The following TBC1D31 variants were observed in gnomAD, a reference collection of about 807,000 sequenced individuals.
TBC1D31 encodes the protein WD repeat domain 67.
TBC1D31 carries 99 observed loss-of-function variants against 132.9 expected under a neutral mutation model. The ratio of observed to expected loss-of-function variants is 0.74; its 90% confidence interval spans 0.63 to 0.88. The LOEUF (loss-of-function observed/expected upper bound fraction) is 0.88. Among genes scored for constraint, TBC1D31 ranks in the 40% least tolerant of loss-of-function variants. The pLI is 0.00. For synonymous variants in TBC1D31, 385 were observed against 419.4 expected (o/e 0.92, Z 1.00); for missense variants, 1,134 against 1,256.6 (o/e 0.90, Z 1.48).
At position 123,142,308 on chromosome 8, in the gene TBC1D31, C is replaced by A. The variant is rs779648064; in HGVS notation, c.2687C>A (p.Thr896Asn). The part of the protein sequence containing the change: ...LAKAEQACLN[T>N]DWQIQSLHKQ... ...AAGGCTGAACAAGCATGCCTAAATA[C>A]CGACTGGCAGATTCAGTCTTTACAT... Residue 896 changes from threonine (T) to asparagine (N), a missense_variant, in exon 19 of 22, where the codon ACC becomes AAC. Transcript: ENST00000287380. 1 of 1,599,276 alleles carries A rather than the reference C, an allele frequency of 6.3e-7. No individual in the cohort carries two copies. The highest frequency in any genetic ancestry group is 1.1e-5 in the South Asian group (1 of 87,066).
intron 16 of TBC1D31, among the ~76,000 whole-genome samples, chr8:123,131,334 A>T (rs569788402): frequency 8.1e-4 from 113 of 139,102 alleles, no homozygotes; most frequent in Middle Eastern, 3.6e-3. Context: ...ACTGCACTCC[A>T]GCCTGAGCGA....
chr8:123,087,358 T>C lies in TBC1D31; in HGVS notation c.519+3018T>C, dbSNP rs898974474. On this transcript the variant is annotated intron_variant, in intron 4 of 21. Coordinates refer to ENST00000287380, the MANE Select transcript of TBC1D31 (RefSeq NM_145647.4). ...ATTATGCATGCAGTACTGCTTTTAA[T>C]TTCTAGGTTATTAACATGAACAGCT... Among the ~76,000 whole-genome samples, 9 of 152,338 alleles carry C rather than the reference T, an allele frequency of 5.9e-5. No homozygotes were observed. In the East Asian group the frequency reaches 1.7e-3, roughly 29 times the overall value.
chr8:123,124,938 CAAAAAAAA>C (rs1310001681), intron 11 of TBC1D31, among the ~76,000 whole-genome samples: 2 of 81,080 alleles, frequency 2.5e-5, no homozygotes, highest in African/African-American at 8.4e-5. Context: ...CTCCGTCTCA[CAAAAAAAA>C]AAAAAAAAAA....
chr8:123,095,026 A>G (rs1816718299), intron 5 of TBC1D31, among the ~76,000 whole-genome samples: 1 of 151,798 alleles, frequency 6.6e-6, no homozygotes, highest in Admixed American at 6.6e-5. Flanking sequence ...CTTATAGTTT[A>G]TTCATTAAAT....
At chr8:123,100,717 C>T (rs560346762) in intron 6 of TBC1D31, 90 bp from the exon 7 acceptor site, 9 of 867,976 alleles carry the variant, frequency 1.0e-5, no homozygotes, top group South Asian at 3.0e-5. Flanking sequence ...CATACACAAA[C>T]GTTGCATACA....
At chr8:123,078,443 G>T (rs1280856096) in intron 2 of TBC1D31, among the ~76,000 whole-genome samples, 1 of 152,162 alleles carries the variant, frequency 6.6e-6, no homozygotes, top group Non-Finnish European at 1.5e-5. Context: ...CTAAATAGAG[G>T]TATGTACACA....
intron 16 of TBC1D31, among the ~76,000 whole-genome samples, chr8:123,130,943 A>G (rs1242865494): frequency 3.3e-5 from 5 of 152,042 alleles, no homozygotes; most frequent in Non-Finnish European, 7.4e-5. Flanking sequence ...ATTAGGGGAC[A>G]TATTCTTTTT....
intron 17 of TBC1D31, among the ~76,000 whole-genome samples, chr8:123,139,838 C>T (rs1279022286): frequency 6.6e-6 from 1 of 152,148 alleles, no homozygotes; most frequent in East Asian, 1.9e-4. Context: ...AGCCAAGATA[C>T]TCAACAGTTT....
chr8:123,152,485 C>T (rs1459213382), downstream of TBC1D31, among the ~76,000 whole-genome samples: 1 of 152,184 alleles, frequency 6.6e-6, no homozygotes, highest in African/African-American at 2.4e-5. Flanking sequence ...TCCTCCCTCC[C>T]TCCACTTCCT....
At position 123,126,575 on chromosome 8, in the gene TBC1D31, T is replaced by G. The variant is rs1820052425; in HGVS notation, c.1772T>G (p.Leu591Trp). Residue 591 changes from leucine to tryptophan, a missense_variant, in exon 13 of 22, where the codon TTG (leucine) becomes TGG (tryptophan). By Grantham distance (61) the Leu-to-Trp change is moderately conservative (BLOSUM62 -2). Transcript: ENST00000287380. Reference protein sequence around the residue: ...EVLTREEWLKLFDNIFSNHPS... With the variant: ...EVLTREEWLKWFDNIFSNHPS... ...CTGACAAGAGAGGAGTGGCTGAAAT[T>G]GTTCGATAATATCTTTTCCAACCAT... 3.7e-6 allele frequency: 6 copies of G among 1,613,962 alleles called. No homozygotes were observed. Among genetic ancestry groups the G allele is most frequent in the Non-Finnish European group, 4.2e-6 (5 of 1,180,002 alleles).
At chr8:123,082,205 A>T (rs1177303612) in intron 2 of TBC1D31, among the ~76,000 whole-genome samples, 1 of 152,128 alleles carries the variant, frequency 6.6e-6, no homozygotes, top group African/African-American at 2.4e-5. Context: ...CCAGTACTCT[A>T]CTGAGCACTC....
intron 16 of TBC1D31, among the ~76,000 whole-genome samples, chr8:123,131,822 T>C (rs1260822621): frequency 6.6e-6 from 1 of 152,228 alleles, no homozygotes; most frequent in African/African-American, 2.4e-5. Context: ...TGCATCAGTC[T>C]TAATATTTGC....
chr8:123,073,989 A>C (rs1814210090), intron 1 of TBC1D31, among the ~76,000 whole-genome samples: 1 of 151,582 alleles, frequency 6.6e-6, no homozygotes, highest in Admixed American at 6.6e-5. Flanking sequence ...CCCGGCCTCT[A>C]GTGATTTTTC....
intron 17 of TBC1D31, among the ~76,000 whole-genome samples, chr8:123,135,022 C>A (rs995505413): frequency 1.3e-5 from 2 of 152,188 alleles, no homozygotes; most frequent in African/African-American, 4.8e-5. Flanking sequence ...ACGTCAGCCT[C>A]CCCAGTAGCT....
intron 2 of TBC1D31, among the ~76,000 whole-genome samples, chr8:123,080,770 C>T (rs1815072311): frequency 6.6e-6 from 1 of 151,984 alleles, no homozygotes. Context: ...CTCCTGACCT[C>T]GTGATCCGCC....
At chr8:123,127,511 G>A (rs151204949) in intron 13 of TBC1D31, among the ~76,000 whole-genome samples, 1 of 152,048 alleles carries the variant, frequency 6.6e-6, no homozygotes, top group East Asian at 1.9e-4. Flanking sequence ...TACCTCAGAT[G>A]ATCCACCTGC....
chr8:123,072,996 G>A, intron 1 of TBC1D31, 150 bp downstream of exon 1: 1 of 749,990 alleles, frequency 1.3e-6, no homozygotes, highest in Non-Finnish European at 2.2e-6. Flanking sequence ...AGATGGCTCC[G>A]GACGCCAGGG....
At chr8:123,085,041 C>T (rs13439324) in intron 4 of TBC1D31, among the ~76,000 whole-genome samples, 9 of 151,948 alleles carry the variant, frequency 5.9e-5, no homozygotes, top group African/African-American at 1.7e-4. Flanking sequence ...CCTCTTGCCT[C>T]GGCCTCCCAA....
intron 2 of TBC1D31, among the ~76,000 whole-genome samples, chr8:123,081,499 CTT>C (rs1815142789): frequency 6.6e-6 from 1 of 152,094 alleles, no homozygotes; most frequent in Non-Finnish European, 1.5e-5. Context: ...ATTTTGATGA[CTT>C]AATATGATAA....
Sources: gnomAD v4.1 joint callset for allele counts (sites outside exome capture counted in the v4.1 genomes callset) on GRCh38, gnomAD v4.1.1 for gene constraint, MANE v1.5 for transcripts, NCBI Gene and HGNC (gene_info 2026-07-23, HGNC 2026-07-21) for gene names.